Variants in KANK1 observed in about 807,000 individuals in gnomAD.
KANK1 encodes KN motif and ankyrin repeat domains 1.
A neutral mutation model predicts 106.2 loss-of-function variants in KANK1; 109 were observed. The ratio of observed to expected loss-of-function variants is 1.03; its 90% CI spans 0.88 to 1.20. The LOEUF (loss-of-function observed/expected upper bound fraction) is 1.20. Among genes scored for constraint, KANK1 ranks in the 50% most tolerant of loss-of-function variants. The pLI is 0.00. For synonymous variants in KANK1, 873 were observed against 652.2 expected (o/e 1.34, Z -5.16); for missense variants, 2,399 against 1,710.7 (o/e 1.40, Z -7.10).
intron 3 of KANK1, among the ~76,000 whole-genome samples, chr9:725,978 AAG>A (rs893481183): frequency 2.0e-5 from 3 of 152,200 alleles, no homozygotes; most frequent in Non-Finnish European, 2.9e-5. Context: ...TAGAGACAAA[AAG>A]AAAAAAGTTA....
chr9:745,040 T>TCA (rs1266809878), intron 11 of KANK1, 133 bp from the exon 12 acceptor site: 25 of 1,517,692 alleles, frequency 1.6e-5, no homozygotes, highest in Non-Finnish European at 2.0e-5. Context: ...TTCCCTGTTC[T>TCA]CAGCCAGAGC....
intron 1 of KANK1, among the ~76,000 whole-genome samples, chr9:520,084 T>TC (rs1207610365): frequency 6.6e-6 from 1 of 151,748 alleles, no homozygotes; most frequent in Non-Finnish European, 1.5e-5. Context: ...ACACCTGTAA[T>TC]CCCAGCACTT....
intron 8 of KANK1, among the ~76,000 whole-genome samples, chr9:739,557 G>A (rs1834795681): frequency 6.6e-6 from 1 of 152,084 alleles, no homozygotes; most frequent in South Asian, 2.1e-4. Context: ...TCCTCTTCAG[G>A]CTTTCTAGAC....
At chr9:657,106 A>G (rs1042799251) in intron 1 of KANK1, among the ~76,000 whole-genome samples, 1 of 152,142 alleles carries the variant, frequency 6.6e-6, no homozygotes, top group Admixed American at 6.5e-5. Flanking sequence ...AATTACATGT[A>G]TGTGTCATAG....
intron 2 of KANK1, among the ~76,000 whole-genome samples, chr9:704,955 G>C (rs7020493): frequency 0.64 from 89,628 of 140,830 alleles, 28,500 homozygotes; most frequent in Non-Finnish European, 0.68. Context: ...ATCGCACCAC[G>C]TCACTCCAGC....
rs114517534 is a variant in KANK1 at position 666,559 on chromosome 9, G to T, written c.-83-10331G>T. On this transcript the variant is annotated intron_variant, in intron 1 of 11. Coordinates refer to ENST00000382297, the MANE Select transcript of KANK1 (RefSeq NM_015158.5). ...AAGCCTTTTAGGTTTTCCCTGTTTG[G>T]TATGATGTTGGCTGTGGATTTATCA... Among the ~76,000 whole-genome samples, 742 of 152,144 alleles carry T rather than the reference G, an allele frequency of 4.9e-3. 12 individuals carry two copies. The highest frequency in any genetic ancestry group is 0.017 in the African/African-American group (720 of 41,476).
intron 1 of KANK1, among the ~76,000 whole-genome samples, chr9:582,404 A>C (rs368745032): frequency 7.9e-5 from 12 of 152,066 alleles, no homozygotes; most frequent in African/African-American, 2.7e-4. Flanking sequence ...GAACTAATAA[A>C]AGTATTTCCT....
At chr9:543,060 A>T (rs1422657889) in intron 1 of KANK1, among the ~76,000 whole-genome samples, 1 of 152,240 alleles carries the variant, frequency 6.6e-6, no homozygotes, top group South Asian at 2.1e-4. Flanking sequence ...CGAGGTGGGT[A>T]TGTTAATTAG....
chr9:514,127 T>C (rs187572883), intron 1 of KANK1, among the ~76,000 whole-genome samples: 5,998 of 84,254 alleles, frequency 0.071, 513 homozygotes, highest in African/African-American at 0.25. Context: ...TCCCTCTCTC[T>C]CTCCCTCCCT....
At chr9:538,584 A>G (rs1480171383) in intron 1 of KANK1, among the ~76,000 whole-genome samples, 3 of 152,224 alleles carry the variant, frequency 2.0e-5, no homozygotes, top group African/African-American at 7.2e-5. Flanking sequence ...AGATACCTGC[A>G]GAGGTTCCTT....
At chr9:614,168 C>A (rs953207841) in intron 1 of KANK1, among the ~76,000 whole-genome samples, 8 of 152,146 alleles carry the variant, frequency 5.3e-5, no homozygotes, top group African/African-American at 1.9e-4. Context: ...GCAGGAGTTA[C>A]TGACAAGAGT....
chr9:614,582 G>C (rs1392645883), intron 1 of KANK1, among the ~76,000 whole-genome samples: 3 of 152,070 alleles, frequency 2.0e-5, no homozygotes, highest in Non-Finnish European at 4.4e-5. Context: ...GGACTGTCTC[G>C]TGTGCGGCAG....
chr9:593,594 T>C (rs1454607718), intron 1 of KANK1, among the ~76,000 whole-genome samples: 2 of 151,706 alleles, frequency 1.3e-5, no homozygotes, highest in African/African-American at 4.9e-5. Context: ...AAGTTACCCA[T>C]TGATGTTTTC....
intron 1 of KANK1, among the ~76,000 whole-genome samples, chr9:628,406 T>G (rs974131894): frequency 6.8e-6 from 1 of 147,488 alleles, no homozygotes; most frequent in Non-Finnish European, 1.5e-5. Context: ...GGCCTCCCAG[T>G]AGGGGGGGTT....
chr9:649,837 C>T (rs1434353841), intron 1 of KANK1, among the ~76,000 whole-genome samples: 1 of 152,178 alleles, frequency 6.6e-6, no homozygotes, highest in African/African-American at 2.4e-5. Flanking sequence ...ATATGCACCT[C>T]CTTTGGTGTG....
intron 3 of KANK1, among the ~76,000 whole-genome samples, chr9:482,501 T>A (rs1343667931): frequency 6.6e-6 from 1 of 152,114 alleles, no homozygotes; most frequent in African/African-American, 2.4e-5. Flanking sequence ...GGGCACAATA[T>A]TTTCCCCTCT....
intron 1 of KANK1, among the ~76,000 whole-genome samples, chr9:515,345 A>G (rs1037588876): frequency 7.4e-6 from 1 of 135,814 alleles, no homozygotes; most frequent in Non-Finnish European, 1.6e-5. Flanking sequence ...ACTCCTTCTC[A>G]AAAAAAAAAA....
At chr9:657,989 C>T (rs1207273647) in intron 1 of KANK1, among the ~76,000 whole-genome samples, 1 of 151,982 alleles carries the variant, frequency 6.6e-6, no homozygotes, top group Admixed American at 6.6e-5. Flanking sequence ...GAACTCCTGT[C>T]TCAGCCTCAC....
Position 613,099 on chromosome 9 carries a change from G to A in KANK1, c.-83-63791G>A, listed in dbSNP as rs116106173. Among the ~76,000 whole-genome samples the A allele has an allele frequency of 4.6e-3, 699 of 152,120 alleles. 4 individuals are homozygous for A. Among genetic ancestry groups the A allele is most frequent in the African/African-American group, 0.016 (650 of 41,492 alleles). ...GAGGAAATATGGAGTAAAGATAGAG[G>A]TAGCATGTACTGTAAAAGATCTTGT... On this transcript the variant is annotated intron_variant, in intron 1 of 11. Transcript: ENST00000382297.
Sources: allele counts gnomAD v4.1 joint callset (sites outside exome capture counted in the v4.1 genomes callset), GRCh38; gene constraint gnomAD v4.1.1; transcripts MANE v1.5; gene names NCBI Gene and HGNC (gene_info 2026-07-23, HGNC 2026-07-21).